The following IDE variants were observed in gnomAD, a reference collection of about 807,000 sequenced individuals.
The protein encoded by IDE is insulin-degrading enzyme.
Under a neutral mutation model 133.2 loss-of-function variants are expected in IDE, and 58 were observed. That is an observed-to-expected ratio of 0.44 (90% confidence interval 0.35 to 0.54). The LOEUF (loss-of-function observed/expected upper bound fraction) is 0.54, where lower values mean the gene tolerates loss of function less well. IDE is among the 20% of genes least tolerant of loss of function. The probability of loss-of-function intolerance (pLI) is 0.00; values close to 1 mark genes in which losing one functional copy is unlikely to be tolerated. For missense variants in IDE, 981 were observed against 1,234.0 expected, an observed-to-expected ratio of 0.79 and a Z score of 3.07; for synonymous variants, 396 against 421.3, an observed-to-expected ratio of 0.94 and a Z score of 0.73.
chr10:92,458,584 C>T (rs1348264004), intron 22 of IDE, among the ~76,000 whole-genome samples: 1 of 148,078 alleles, frequency 6.8e-6, no homozygotes, highest in Non-Finnish European at 1.5e-5. Context: ...TCACTGCAAC[C>T]TCCACCTTCT....
intron 1 of IDE, among the ~76,000 whole-genome samples, chr10:92,562,253 T>C (rs1264532057): frequency 1.3e-5 from 2 of 152,212 alleles, no homozygotes; most frequent in African/African-American, 4.8e-5. Context: ...TTATAGTCGG[T>C]CATACTCTCT....
intron 1 of IDE, chr10:92,541,313 A>G (rs538942956): frequency 2.1e-6 from 1 of 470,972 alleles, no homozygotes; most frequent in South Asian, 1.6e-5. Context: ...GGAGAAGTGA[A>G]GACAATGACT....
chr10:92,454,689 C>T (rs769222940), intron 24 of IDE, 150 bp from the exon 25 acceptor site: 7 of 632,280 alleles, frequency 1.1e-5, no homozygotes, highest in African/African-American at 1.8e-5. Context: ...ACCTAATAAC[C>T]CATGTATCTT....
intron 1 of IDE, among the ~76,000 whole-genome samples, chr10:92,556,179 C>CAAAAAAAAAAAAAAAAAAAAAA (rs60008680): frequency 1.4e-5 from 1 of 69,208 alleles, no homozygotes; most frequent in Non-Finnish European, 2.5e-5. Flanking sequence ...GACTCCGTCT[C>CAAAAAAAAAAAAAAAAAAAAAA]AAAAAAAAAA....
chr10:92,536,192 G>C (rs544275478), intron 2 of IDE, among the ~76,000 whole-genome samples: 2 of 151,864 alleles, frequency 1.3e-5, no homozygotes, highest in Non-Finnish European at 2.9e-5. Context: ...AGACCAGCCT[G>C]GCCAACGTGG....
intron 4 of IDE, among the ~76,000 whole-genome samples, chr10:92,531,477 T>A (rs1311590596): frequency 3.3e-5 from 5 of 152,210 alleles, no homozygotes; most frequent in Non-Finnish European, 7.3e-5. Flanking sequence ...AAAGAATCTA[T>A]TATCTTCTCC....
intron 4 of IDE, among the ~76,000 whole-genome samples, chr10:92,521,268 CATCACCACCT>C (rs924018918): frequency 6.6e-6 from 1 of 152,114 alleles, no homozygotes; most frequent in Non-Finnish European, 1.5e-5. Flanking sequence ...TGGAAAAATA[CATCACCACCT>C]ATGAAGATGT....
chr10:92,485,641 T>C (rs1009291370), intron 13 of IDE, among the ~76,000 whole-genome samples: 1 of 152,134 alleles, frequency 6.6e-6, no homozygotes, highest in Non-Finnish European at 1.5e-5. Context: ...TGGGAAGGCC[T>C]ATTTAAAACA....
In IDE at chr10:92,566,151, T is replaced by TTTAA. The variant is rs573319057; in HGVS notation, c.98+7767_98+7770dup. Among the ~76,000 whole-genome samples the TTTAA allele has an allele frequency of 1.7e-3, 247 of 149,542 alleles. 1 individual carries two copies. Among genetic ancestry groups the TTTAA allele is most frequent in the Non-Finnish European group, 2.7e-3 (179 of 67,496 alleles). ...TAGGTGGACTGCTTGAACCGAGGAG[T>TTTAA]TTAAGACCAGTCTGGGCAACATGAC... On this transcript the variant is annotated intron_variant, in intron 1 of 24. Coordinates refer to ENST00000265986, the MANE Select transcript of IDE (RefSeq NM_004969.4).
intron 4 of IDE, among the ~76,000 whole-genome samples, chr10:92,524,445 T>TAATATA (rs369893619): frequency 2.3e-4 from 3 of 13,268 alleles, no homozygotes; most frequent in African/African-American, 7.3e-4. Context: ...ATATAATATA[T>TAATATA]TTTATATATT....
intron 14 of IDE, among the ~76,000 whole-genome samples, chr10:92,480,387 G>C (rs1846533732): frequency 6.6e-6 from 1 of 152,218 alleles, no homozygotes. Flanking sequence ...AATCTAGCTA[G>C]AGGGGACACA....
At position 92,455,557 on chromosome 10, in the gene IDE, A is replaced by G. The variant is rs780624910; in HGVS notation, c.2964+19T>C. On this transcript the variant is annotated intron_variant, in intron 24 of 24. Coordinates refer to ENST00000265986, the MANE Select transcript of IDE (RefSeq NM_004969.4). Reference sequence around the variant, plus strand: ...AAGTCCTCTGTCAGTACAATCTAACATAACGTTATATTTCTTACTTGTGGC... The same window carrying G: ...AAGTCCTCTGTCAGTACAATCTAACGTAACGTTATATTTCTTACTTGTGGC... 1.4e-6 allele frequency: 2 copies of G among 1,447,440 alleles called. No homozygotes were observed. The highest frequency in any genetic ancestry group is 1.4e-5 in the African/African-American group (1 of 71,484). The allele number at this position is 1,447,440 out of a possible 1,614,324, so 89.7% of individuals were successfully genotyped here.
Position 92,468,996 on chromosome 10 carries a change from G to GAAAAA in IDE, c.2209-11_2209-7dup. The GAAAAA allele has an allele frequency of 1.3e-6, 2 of 1,491,166 alleles. No homozygotes were observed. Among genetic ancestry groups the GAAAAA allele is most frequent in the Non-Finnish European group, 1.9e-6 (2 of 1,068,278 alleles). The allele number at this position is 1,491,166 out of a possible 1,614,324, so 92.4% of individuals were successfully genotyped here. A position where few individuals can be genotyped will look rare whatever the true frequency, so the allele number is the denominator to read the frequency against. On this transcript the variant is annotated splice_region_variant and splice_polypyrimidine_tract_variant and intron_variant, in intron 18 of 24. Transcript: ENST00000265986. The stretch of plus-strand genomic sequence containing the variant: ...TGCATAATTCCTAATGCAGCCTATG[G>GAAAAA]AAAAAGATATGTCCCAGCATATTAC...
chr10:92,479,900 T>C (rs991470563), intron 14 of IDE, among the ~76,000 whole-genome samples: 2 of 152,184 alleles, frequency 1.3e-5, no homozygotes, highest in East Asian at 3.8e-4. Flanking sequence ...GGTAATTACA[T>C]GAACTTAGAA....
At chr10:92,534,857 GTTC>G in intron 2 of IDE, 72 bp from the exon 3 acceptor site, 1 of 1,089,590 alleles carries the variant, frequency 9.2e-7, no homozygotes, top group South Asian at 1.4e-5. Context: ...GTGATTTGTA[GTTC>G]TTGTTAGCAT....
chr10:92,535,239 G>A (rs919886303), intron 2 of IDE, among the ~76,000 whole-genome samples: 3 of 152,060 alleles, frequency 2.0e-5, no homozygotes, highest in African/African-American at 7.2e-5. Context: ...GAGTAGCTGG[G>A]ACTACAGGCG....
At chr10:92,461,102 A>G in intron 22 of IDE, 89 bp downstream of exon 22, 1 of 658,590 alleles carries the variant, frequency 1.5e-6, no homozygotes, top group Non-Finnish European at 2.8e-6. Flanking sequence ...TGGCCTCCCA[A>G]AGTGCTGGGA....
At chr10:92,561,963 C>T (rs573147118) in intron 1 of IDE, among the ~76,000 whole-genome samples, 3 of 152,148 alleles carry the variant, frequency 2.0e-5, no homozygotes, top group Admixed American at 6.6e-5. Flanking sequence ...CTGTATAGAA[C>T]GGATCACAAA....
Position 92,539,999 on chromosome 10 carries a change from C to T in IDE, c.99-2449G>A, listed in dbSNP as rs558586912. On this transcript the variant is annotated intron_variant, in intron 1 of 24. Transcript: ENST00000265986. Reference sequence around the variant, plus strand: ...ACTCACGCCTGTAATCCTAGCACTTCGGGAGACTGAGGCGGGCAGATCATC... The same window carrying T: ...ACTCACGCCTGTAATCCTAGCACTTTGGGAGACTGAGGCGGGCAGATCATC... Among the ~76,000 whole-genome samples, 5 of 152,116 alleles carry T rather than the reference C, an allele frequency of 3.3e-5. No homozygotes were observed. In the South Asian group the frequency reaches 1.0e-3, roughly 32 times the overall value.
Sources: gnomAD v4.1 joint callset for allele counts (sites outside exome capture counted in the v4.1 genomes callset) on GRCh38, gnomAD v4.1.1 for gene constraint, MANE v1.5 for transcripts, NCBI Gene and HGNC (gene_info 2026-07-23, HGNC 2026-07-21) for gene names.